The following ADGRG2 variants were observed in gnomAD, a reference collection of about 807,000 sequenced individuals.
ADGRG2 encodes G protein-coupled receptor 64.
Under a neutral mutation model 74.1 loss-of-function variants are expected in ADGRG2, and 26 were observed. That is an observed-to-expected ratio of 0.35 (90% CI 0.26 to 0.49). ADGRG2 has a LOEUF of 0.49. Among genes scored for constraint, ADGRG2 ranks in the 20% least tolerant of loss-of-function variants. The pLI is 0.99. For missense variants in ADGRG2, 619 were observed against 763.1 expected, an observed-to-expected ratio of 0.81 and a Z score of 2.22; for synonymous variants, 296 against 295.2, an observed-to-expected ratio of 1.00 and a Z score of -0.03.
intron 20 of ADGRG2, among the ~76,000 whole-genome samples, chrX:19,006,808 G>A (rs1373741470): frequency 9.9e-6 from 1 of 101,063 alleles, no homozygotes; most frequent in African/African-American, 3.8e-5. Flanking sequence ...ACCCAAGCTG[G>A]AATGCAGTGG....
intron 1 of ADGRG2, among the ~76,000 whole-genome samples, chrX:19,106,698 C>T (rs1490084153): frequency 9.0e-6 from 1 of 110,922 alleles, no homozygotes; most frequent in Non-Finnish European, 1.9e-5. Flanking sequence ...GTGGGCAGAT[C>T]GCTTGAGGCC....
At chrX:19,044,082 C>T (rs1370754760) in intron 3 of ADGRG2, among the ~76,000 whole-genome samples, 1 of 111,970 alleles carries the variant, frequency 8.9e-6, no homozygotes, top group Non-Finnish European at 1.9e-5. Context: ...CAGTAGGAGT[C>T]TCACCAGATT....
intron 2 of ADGRG2, 80 bp downstream of exon 2, chrX:19,082,622 A>T (rs1325969384): frequency 1.8e-5 from 2 of 111,317 alleles, no homozygotes; most frequent in Non-Finnish European, 3.8e-5. Flanking sequence ...TGAAGGAGGG[A>T]AAATAGGAAA....
chrX:19,083,417 G>A (rs2061887241), intron 1 of ADGRG2, among the ~76,000 whole-genome samples: 1 of 110,579 alleles, frequency 9.0e-6, no homozygotes, highest in African/African-American at 3.3e-5. Flanking sequence ...CCAGACCTGG[G>A]GTGGGGTGGT....
At chrX:19,048,662 G>C (rs2061245233) in intron 3 of ADGRG2, among the ~76,000 whole-genome samples, 1 of 111,838 alleles carries the variant, frequency 8.9e-6, no homozygotes, top group Non-Finnish European at 1.9e-5. Context: ...AGGATACTGG[G>C]GGATCATTCC....
Position 19,112,244 on chromosome X carries a change from T to A in ADGRG2, c.-47+10198A>T, listed in dbSNP as rs184901339. Among the ~76,000 whole-genome samples the A allele has an allele frequency of 1.5e-3, 162 of 110,167 alleles. 1 individual carries two copies. The highest frequency in any genetic ancestry group is 5.1e-3 in the African/African-American group (154 of 30,227). On this transcript the variant is annotated intron_variant, in intron 1 of 28. Coordinates refer to ENST00000379869, the MANE Select transcript of ADGRG2 (RefSeq NM_001079858.3). Reference sequence around the variant, plus strand: ...ATACCACCATGCCTGGCTAATTTTTTAATTTTCTTTGTAGAGACGGGGTCT... The same window carrying A: ...ATACCACCATGCCTGGCTAATTTTTAAATTTTCTTTGTAGAGACGGGGTCT...
At chrX:19,104,761 A>G (rs1381597338) in intron 1 of ADGRG2, among the ~76,000 whole-genome samples, 1 of 108,061 alleles carries the variant, frequency 9.3e-6, no homozygotes, top group Admixed American at 1.0e-4. Flanking sequence ...TACTAAAAAT[A>G]CAAAAATTAG....
intron 11 of ADGRG2, 83 bp downstream of exon 11, chrX:19,027,136 A>G: frequency 1.5e-6 from 1 of 689,260 alleles, no homozygotes; most frequent in East Asian, 3.2e-5. Context: ...TCCCATTCTC[A>G]GTTTTCAATT....
At chrX:19,104,406 A>G (rs5955695) in intron 1 of ADGRG2, among the ~76,000 whole-genome samples, 28,521 of 110,794 alleles carry the variant, frequency 0.26, 5,150 homozygotes, top group African/African-American at 0.65. Context: ...ATCCCAAAAC[A>G]GCCCGGGAAC....
chrX:19,060,837 C>T (rs1336096751), intron 3 of ADGRG2, among the ~76,000 whole-genome samples: 1 of 111,517 alleles, frequency 9.0e-6, no homozygotes, highest in Non-Finnish European at 1.9e-5. Context: ...TGTAAGCCAC[C>T]ACACCCGGCC....
chrX:19,005,948 G>T lies in ADGRG2; in HGVS notation c.1839+54C>A, dbSNP rs1374562365. On this transcript the variant is annotated intron_variant, in intron 22 of 28. Transcript: ENST00000379869. ...ATCAGATTAGACATTGTAGTGTGAT[G>T]CCCAGCTACCCCTCAGACTCAGAAT... is the stretch of plus-strand genomic sequence containing the variant. 14 of 714,625 alleles carry T rather than the reference G, an allele frequency of 2.0e-5. No homozygotes were observed. In the Admixed American group the frequency reaches 2.9e-4, roughly 15 times the overall value. The allele number at this position is 714,625 out of a possible 1,213,427, so 58.9% of individuals were successfully genotyped here. A position where few individuals can be genotyped will look rare whatever the true frequency, so the allele number is the denominator to read the frequency against.
chrX:19,100,245 T>C (rs2062165759), intron 1 of ADGRG2, among the ~76,000 whole-genome samples: 1 of 112,824 alleles, frequency 8.9e-6, no homozygotes, highest in Admixed American at 9.4e-5. Context: ...TCAAAAGTTA[T>C]CATAGGTAAA....
At chrX:19,033,838 G>A in intron 7 of ADGRG2, 184 bp from the exon 8 acceptor site, 1 of 330,443 alleles carries the variant, frequency 3.0e-6, no homozygotes, top group Non-Finnish European at 5.3e-6. Context: ...TGTAGCATTG[G>A]CACAGGGTGA....
At chrX:19,099,131 C>T (rs1482667563) in intron 1 of ADGRG2, among the ~76,000 whole-genome samples, 1 of 110,946 alleles carries the variant, frequency 9.0e-6, no homozygotes, top group Non-Finnish European at 1.9e-5. Flanking sequence ...TTGCAGTGAG[C>T]TGAGATCGCG....
chrX:18,998,600 CTTTTTT>C (rs768424519), intron 26 of ADGRG2, among the ~76,000 whole-genome samples: 1 of 81,237 alleles, frequency 1.2e-5, no homozygotes, highest in African/African-American at 4.7e-5. Context: ...ACAGATAGTA[CTTTTTT>C]TTTTTTTTTT....
At chrX:18,998,325 GT>G (rs1298106612) in intron 26 of ADGRG2, among the ~76,000 whole-genome samples, 13 of 105,672 alleles carry the variant, frequency 1.2e-4, no homozygotes, top group East Asian at 5.9e-4. Context: ...GAATACAAAA[GT>G]TTTTTTTTTT....
chrX:19,071,937 T>A (rs956342249), intron 2 of ADGRG2, among the ~76,000 whole-genome samples: 1 of 110,687 alleles, frequency 9.0e-6, no homozygotes, highest in African/African-American at 3.3e-5. Flanking sequence ...TGACTTAGAT[T>A]TAATTCACAA....
intron 1 of ADGRG2, among the ~76,000 whole-genome samples, chrX:19,116,188 C>A (rs1325493795): frequency 9.2e-6 from 1 of 108,241 alleles, no homozygotes; most frequent in African/African-American, 3.4e-5. Context: ...GCACTCCAGT[C>A]TGGGCAAAAG....
intron 3 of ADGRG2, among the ~76,000 whole-genome samples, chrX:19,067,361 G>A (rs1172997092): frequency 2.7e-5 from 3 of 112,425 alleles, no homozygotes; most frequent in African/African-American, 9.7e-5. Context: ...GTATAACAAA[G>A]TGATTTTTGA....
Sources: gnomAD v4.1 joint callset for allele counts (sites outside exome capture counted in the v4.1 genomes callset) on GRCh38, gnomAD v4.1.1 for gene constraint, MANE v1.5 for transcripts, NCBI Gene and HGNC (gene_info 2026-07-23, HGNC 2026-07-21) for gene names.